FKBP10: variants seen among roughly 807,000 people sequenced by gnomAD.
FKBP10 encodes the protein FKBP prolyl isomerase 10.
In FKBP10, 34 loss-of-function variants were observed where a neutral mutation model predicts 53.7. That is an observed-to-expected ratio of 0.63 (90% CI 0.48 to 0.84). The LOEUF (loss-of-function observed/expected upper bound fraction) is 0.84. FKBP10 is among the 40% of genes least tolerant of loss of function. The pLI is 0.00. For missense variants in FKBP10, 748 were observed against 797.8 expected, an observed-to-expected ratio of 0.94 and a Z score of 0.75; for synonymous variants, 324 against 335.7, an observed-to-expected ratio of 0.97 and a Z score of 0.38.
At chr17:41,813,343 T>C in intron 1 of FKBP10, 64 bp downstream of exon 1, 1 of 1,607,442 alleles carries the variant, frequency 6.2e-7, no homozygotes, top group Non-Finnish European at 8.5e-7. Context: ...TCCTGTTTCC[T>C]TGTTGCCTCT....
Position 41,819,848 on chromosome 17 carries a change from C to T in FKBP10, c.1063+173C>T, listed in dbSNP as rs1040723649. On this transcript the variant is annotated intron_variant, in intron 6 of 9. Transcript: ENST00000321562. Reference sequence around the variant, plus strand: ...CTGATTCCTGCCACACAGACTCCATCGGTTTCCTCCAGGGCAGCGCCCCAC... The same window carrying T: ...CTGATTCCTGCCACACAGACTCCATTGGTTTCCTCCAGGGCAGCGCCCCAC... The T allele has an allele frequency of 6.5e-6, 10 of 1,538,446 alleles. No homozygotes were observed. In the African/African-American group the frequency reaches 9.6e-5, roughly 15 times the overall value.
chr17:41,821,945 C>T lies in FKBP10; in HGVS notation c.1563+128C>T, dbSNP rs1597910607. ...GTGCTCCTGCCTGCGCTGAGTCCCACGCCTCAGGCTCCTTGTCCCTGCTTT... is the reference window on the plus strand; with the variant it reads ...GTGCTCCTGCCTGCGCTGAGTCCCATGCCTCAGGCTCCTTGTCCCTGCTTT... On this transcript the variant is annotated intron_variant, in intron 9 of 9. Transcript: ENST00000321562. 2.3e-5 allele frequency: 27 copies of T among 1,175,934 alleles called. No individual in the cohort carries two copies. The East Asian group carries it at 6.0e-4, about 26-fold the overall frequency. The allele number at this position is 1,175,934 out of a possible 1,614,324, so 72.8% of individuals were successfully genotyped here.
At chr17:41,819,714 C>G in intron 6 of FKBP10, 39 bp downstream of exon 6, 1 of 1,576,034 alleles carries the variant, frequency 6.3e-7, no homozygotes, top group East Asian at 2.3e-5. Context: ...GCTCCTCCTC[C>G]GAACTGCCCA....
intron 9 of FKBP10, 64 bp downstream of exon 9, chr17:41,821,881 G>A (rs2047896349): frequency 6.2e-7 from 1 of 1,604,036 alleles, no homozygotes; most frequent in African/African-American, 1.3e-5. Context: ...AAGCATCGAG[G>A]AAGAAGACGT....
chr17:41,813,209 G>T lies in FKBP10; in HGVS notation c.175G>T (p.Val59Leu). The T allele has an allele frequency of 6.2e-7, 1 of 1,613,620 alleles. No individual in the cohort carries two copies. The highest frequency in any genetic ancestry group is 8.5e-7 in the Non-Finnish European group (1 of 1,180,006). Residue 59 changes from valine (V) to leucine (L), a missense_variant, in exon 1 of 10, where the codon GTG (valine) becomes TTG (leucine). Coordinates refer to ENST00000321562, the MANE Select transcript of FKBP10 (RefSeq NM_021939.4). ...CATCCCCAGGGCCTGTCCCCGGGAA[G>T]TGCAGATGGGGGATTTTGTGCGCTA... ...YHIPRACPRE[V>L]QMGDFVRYHY...
rs531179852 is a variant in FKBP10, at chr17:41,814,646, C to T, written c.245+1367C>T. 3.3e-5 allele frequency among the ~76,000 whole-genome samples: 5 copies of T among 152,290 alleles called. No individual in the cohort carries two copies. In the East Asian group the frequency reaches 9.6e-4, roughly 29 times the overall value. ...TAGTAGCCAGAAGTGCAGCCCTGAG[C>T]CCTTGACTGCTAGGAGTGAGGCAGG... is the stretch of plus-strand genomic sequence containing the variant. On this transcript the variant is annotated intron_variant, in intron 1 of 9. Transcript: ENST00000321562.
In FKBP10 at chr17:41,819,278, G is replaced by A. The variant is rs782551595; in HGVS notation, c.796G>A (p.Asp266Asn). 5 of 1,614,170 alleles carry A rather than the reference G, an allele frequency of 3.1e-6. No homozygotes were observed. In the South Asian group the frequency reaches 5.5e-5, roughly 18 times the overall value. Residue 266 changes from aspartate to asparagine, a missense_variant, in exon 5 of 10, where the codon GAC (aspartate) becomes AAC (asparagine). Physicochemically the swap from Asp to Asn is conservative, Grantham distance 23. Transcript: ENST00000321562. ...CCTGATTGACGTGCACAACCCGAAG[G>A]ACGCTGTCCAGCTAGAGACGCTGGA... Reference protein sequence around the residue: ...VLLIDVHNPKDAVQLETLELP... With the variant: ...VLLIDVHNPKNAVQLETLELP...
chr17:41,816,329 C>T (rs1360764626), intron 1 of FKBP10, among the ~76,000 whole-genome samples: 2 of 135,340 alleles, frequency 1.5e-5, no homozygotes, highest in Admixed American at 1.7e-4. Flanking sequence ...CTCCCGGGTT[C>T]ACGCCATTCT....
intron 2 of FKBP10, 120 bp from the exon 3 acceptor site, chr17:41,817,969 C>G (rs916915800): frequency 9.8e-7 from 1 of 1,023,938 alleles, no homozygotes; most frequent in Non-Finnish European, 1.5e-6. Flanking sequence ...AGTGGCATCT[C>G]TGTCCCTGGT....
At chr17:41,818,067 C>G (rs782404224) in intron 2 of FKBP10, 22 bp from the exon 3 acceptor site, 1 of 1,576,642 alleles carries the variant, frequency 6.3e-7, no homozygotes, top group Non-Finnish European at 8.6e-7. Context: ...TCTGAGACCT[C>G]CACGCTGCTG....
chr17:41,821,620 A>G (rs1245865644), intron 8 of FKBP10, 34 bp from the exon 9 acceptor site: 2 of 1,612,242 alleles, frequency 1.2e-6, no homozygotes, highest in Non-Finnish European at 8.5e-7. Context: ...CGGCCTGACT[A>G]GGACCCCTCC....
intron 1 of FKBP10, among the ~76,000 whole-genome samples, chr17:41,814,777 C>T (rs1022125880): frequency 1.3e-5 from 2 of 152,132 alleles, no homozygotes; most frequent in African/African-American, 2.4e-5. Context: ...CTCACTCTGT[C>T]GCCCAGGCTG....
rs1555616179 is a variant in FKBP10, at chr17:41,817,095, G to A, written c.283G>A (p.Val95Met). ...CACCTTGGTGGCCATCGTGGTGGGTGTGGGGCGCCTCATCACTGGCATGGA... is the reference window on the plus strand; with the variant it reads ...CACCTTGGTGGCCATCGTGGTGGGTATGGGGCGCCTCATCACTGGCATGGA... ...RNTLVAIVVG[V>M]GRLITGMDRG... The change falls in exon 2 of 10, where the codon GTG becomes ATG. Residue 95 changes from valine (V) to methionine (M), a missense_variant. Coordinates refer to ENST00000321562, the MANE Select transcript of FKBP10 (RefSeq NM_021939.4). 6.2e-7 allele frequency: 1 copy of A among 1,614,120 alleles called. No homozygotes were observed. The highest frequency in any genetic ancestry group is 8.5e-7 in the Non-Finnish European group (1 of 1,180,032).
chr17:41,819,769 C>T, intron 6 of FKBP10, 94 bp downstream of exon 6: 1 of 1,545,684 alleles, frequency 6.5e-7, no homozygotes, highest in Non-Finnish European at 8.7e-7. Context: ...CCAGGCACCG[C>T]TCGGCCCCTC....
rs562499038 is a variant in FKBP10 at position 41,818,213 on chromosome 17, G to T, written c.516G>T (p.Gln172His). The change falls in exon 3 of 10, where the codon CAG becomes CAT. Residue 172 changes from glutamine to histidine, a missense_variant. Coordinates refer to ENST00000321562, the MANE Select transcript of FKBP10 (RefSeq NM_021939.4). ...LRPPHCPRMVQDGDFVRYHYN... is the reference protein window; with the variant it reads ...LRPPHCPRMVHDGDFVRYHYN... ...CGCCCCACTGCCCCCGCATGGTCCA[G>T]GACGGCGACTTTGTCCGCTACCACT... 4 of 1,613,570 alleles carry T rather than the reference G, an allele frequency of 2.5e-6. No individual in the cohort carries two copies. The East Asian group carries it at 8.9e-5, about 36-fold the overall frequency.
At chr17:41,821,585 A>G in intron 8 of FKBP10, 69 bp from the exon 9 acceptor site, 1 of 1,584,584 alleles carries the variant, frequency 6.3e-7, no homozygotes, top group Non-Finnish European at 8.6e-7. Context: ...GTGGGCTGGG[A>G]AACAGTGAAG....
At position 41,822,957 on chromosome 17, in the gene FKBP10, G is replaced by A. The variant is rs757353571; in HGVS notation, c.*549G>A. On this transcript the variant is annotated 3_prime_UTR_variant, in exon 10 of 10. Coordinates refer to ENST00000321562, the MANE Select transcript of FKBP10 (RefSeq NM_021939.4). ...CCTCGCCTCCAGTGGAGGCTGAGCTGACCCTGGGCTGCTGGAGGCCAGACT... is the reference window on the plus strand; with the variant it reads ...CCTCGCCTCCAGTGGAGGCTGAGCTAACCCTGGGCTGCTGGAGGCCAGACT... 4.0e-4 allele frequency: 73 copies of A among 181,172 alleles called. No homozygotes were observed. The highest frequency in any genetic ancestry group is 7.6e-4 in the Non-Finnish European group (64 of 84,488). 11.2% of individuals were successfully genotyped at this position (181,172 alleles called of 1,614,324 possible). A position where few individuals can be genotyped will look rare whatever the true frequency, so the allele number is the denominator to read the frequency against.
chr17:41,822,199 T>TC, intron 9 of FKBP10, 24 bp from the exon 10 acceptor site: 2 of 1,605,282 alleles, frequency 1.2e-6, no homozygotes, highest in Non-Finnish European at 1.7e-6. Context: ...CACTGCCCGC[T>TC]CCCCCGGCTC....
rs375647190 is a variant in FKBP10, at chr17:41,822,345, C to T, written c.1686C>T (p.Ile562=). Residue 562 remains isoleucine, a synonymous_variant, in exon 10 of 10, where the codon ATC becomes ATT. Coordinates refer to ENST00000321562, the MANE Select transcript of FKBP10 (RefSeq NM_021939.4). ...QNQDRNQDGK[I]TVDELKLKSD... The stretch of plus-strand genomic sequence containing the variant: ...AGGACCGCAACCAGGACGGCAAGAT[C>T]ACAGTCGACGAGCTCAAGCTGAAGT... 176 of 1,613,324 alleles carry T rather than the reference C, an allele frequency of 1.1e-4. No homozygotes were observed. Among genetic ancestry groups the T allele is most frequent in the Non-Finnish European group, 1.5e-4 (173 of 1,179,756 alleles).
Sources: allele counts gnomAD v4.1 joint callset (sites outside exome capture counted in the v4.1 genomes callset), GRCh38; gene constraint gnomAD v4.1.1; transcripts MANE v1.5; gene names NCBI Gene and HGNC (gene_info 2026-07-23, HGNC 2026-07-21).